Variants in HDAC4 observed in about 807,000 individuals in gnomAD.
The protein encoded by HDAC4 is histone deacetylase A.
In HDAC4, 16 loss-of-function variants were observed where a neutral mutation model predicts 135.1. The observed-to-expected ratio is 0.12, with a 90% CI of 0.08 to 0.18. The LOEUF is 0.18. Among genes scored for constraint, HDAC4 ranks in the 10% least tolerant of loss-of-function variants. The pLI, the probability that HDAC4 is intolerant of heterozygous loss-of-function variation, is 1.00. For missense variants in HDAC4, 1,143 were observed against 1,511.8 expected (o/e 0.76, Z 4.05); for synonymous variants, 685 against 653.4 (o/e 1.05, Z -0.74).
intron 2 of HDAC4, among the ~76,000 whole-genome samples, chr2:239,265,851 C>T (rs576923854): frequency 3.9e-5 from 6 of 152,350 alleles, no homozygotes; most frequent in East Asian, 1.9e-4. Flanking sequence ...AATGGGAATG[C>T]GGGAACCATG....
intron 4 of HDAC4, among the ~76,000 whole-genome samples, chr2:239,185,088 C>T (rs1457724378): frequency 4.7e-5 from 5 of 107,518 alleles, no homozygotes; most frequent in African/African-American, 1.2e-4. Flanking sequence ...GTGGGTCCCT[C>T]GGTGACTACC....
intron 5 of HDAC4, among the ~76,000 whole-genome samples, chr2:239,164,397 T>C (rs980687251): frequency 6.6e-6 from 1 of 152,258 alleles, no homozygotes; most frequent in African/African-American, 2.4e-5. Flanking sequence ...CGGCCGGCTC[T>C]GCTTCCAACA....
chr2:239,322,809 C>G (rs1412330450), intron 2 of HDAC4, among the ~76,000 whole-genome samples: 3 of 152,168 alleles, frequency 2.0e-5, no homozygotes, highest in Non-Finnish European at 4.4e-5. Flanking sequence ...GGCCCCACTC[C>G]TGGCTTCGAT....
intron 9 of HDAC4, among the ~76,000 whole-genome samples, chr2:239,136,004 A>G (rs188499792): frequency 2.6e-4 from 40 of 152,340 alleles, no homozygotes; most frequent in African/African-American, 9.1e-4. Context: ...GTGATATTTA[A>G]CATCTTTTTG....
intron 1 of HDAC4, among the ~76,000 whole-genome samples, chr2:239,393,342 T>G (rs1416972910): frequency 6.6e-6 from 1 of 152,282 alleles, no homozygotes; most frequent in Middle Eastern, 3.4e-3. Flanking sequence ...CAGGCACCAG[T>G]GCACAAAATA....
At chr2:239,318,410 C>CGAGGAGACTGTCCCGGAGCA (rs1160115039) in intron 2 of HDAC4, among the ~76,000 whole-genome samples, 3 of 152,098 alleles carry the variant, frequency 2.0e-5, no homozygotes, top group Non-Finnish European at 1.5e-5. Flanking sequence ...ATAAAAATGA[C>CGAGGAGACTGTCCCGGAGCA]GAGGAGACTG....
intron 12 of HDAC4, among the ~76,000 whole-genome samples, chr2:239,117,565 C>CAAAA (rs34154007): frequency 1.7e-5 from 2 of 116,294 alleles, no homozygotes; most frequent in Non-Finnish European, 3.5e-5. Context: ...CGGGAAGTGG[C>CAAAA]AAAAAAAAAA....
intron 22 of HDAC4, among the ~76,000 whole-genome samples, chr2:239,078,089 G>A (rs1286108909): frequency 1.3e-5 from 2 of 152,132 alleles, no homozygotes; most frequent in African/African-American, 2.4e-5. Flanking sequence ...ATGTCCCCGC[G>A]CACAGGTGAG....
At chr2:239,395,678 G>A (rs1056677288) in intron 1 of HDAC4, among the ~76,000 whole-genome samples, 28 of 152,060 alleles carry the variant, frequency 1.8e-4, no homozygotes, top group African/African-American at 6.0e-4. Context: ...GGAGTGGCCC[G>A]GGGACTGCTC....
At chr2:239,218,919 A>C (rs2046795550) in intron 3 of HDAC4, among the ~76,000 whole-genome samples, 1 of 151,014 alleles carries the variant, frequency 6.6e-6, no homozygotes, top group African/African-American at 2.4e-5. Context: ...CCACAATGAG[A>C]TACCATCTCA....
intron 3 of HDAC4, among the ~76,000 whole-genome samples, chr2:239,227,284 A>G (rs2047296130): frequency 6.6e-6 from 1 of 152,194 alleles, no homozygotes; most frequent in Non-Finnish European, 1.5e-5. Context: ...GAGATGGAAC[A>G]GCACTGAAAA....
At chr2:239,283,741 G>A (rs149493608) in intron 2 of HDAC4, among the ~76,000 whole-genome samples, 12 of 152,356 alleles carry the variant, frequency 7.9e-5, no homozygotes, top group Non-Finnish European at 1.0e-4. Flanking sequence ...CACCACGGGC[G>A]GTCATGGAAT....
chr2:239,282,867 CCA>C (rs781069163), intron 2 of HDAC4, among the ~76,000 whole-genome samples: 22 of 151,918 alleles, frequency 1.4e-4, no homozygotes, highest in Admixed American at 7.2e-4. Flanking sequence ...AATGTACACA[CCA>C]CTCTCCATGT....
chr2:239,059,271 G>A (rs1351624972), intron 24 of HDAC4, among the ~76,000 whole-genome samples: 2 of 152,202 alleles, frequency 1.3e-5, no homozygotes, highest in Non-Finnish European at 2.9e-5. Flanking sequence ...TAAGAAGTTA[G>A]CCAGAGAACA....
intron 2 of HDAC4, among the ~76,000 whole-genome samples, chr2:239,237,045 G>T (rs1157194078): frequency 6.6e-6 from 1 of 152,044 alleles, no homozygotes; most frequent in South Asian, 2.1e-4. Context: ...AGTGACAAAC[G>T]GTCTGGACGC....
intron 22 of HDAC4, among the ~76,000 whole-genome samples, chr2:239,069,314 C>T (rs1361693773): frequency 2.3e-5 from 1 of 43,324 alleles, no homozygotes; most frequent in African/African-American, 9.5e-5. Flanking sequence ...GAGGGAGTCA[C>T]GGTGCAAGCC....
chr2:239,146,947 G>A lies in HDAC4; in HGVS notation c.734-2233C>T, dbSNP rs1056285898. On this transcript the variant is annotated intron_variant, in intron 7 of 26. Coordinates refer to ENST00000543185, the MANE Select transcript of HDAC4 (RefSeq NM_001378414.1). The surrounding 1 kb of genome is among the most constrained non-coding windows in gnomAD (Gnocchi z 4.5). Reference sequence around the variant, plus strand: ...CGACTGCACGTCCCTGGTCGACTCTGCCTGCAGGGTGGCTGCAGCTGACCA... The same window carrying A: ...CGACTGCACGTCCCTGGTCGACTCTACCTGCAGGGTGGCTGCAGCTGACCA... 1.3e-5 allele frequency among the ~76,000 whole-genome samples: 2 copies of A among 152,174 alleles called. No individual in the cohort carries two copies. The highest frequency in any genetic ancestry group is 1.9e-4 in the East Asian group (1 of 5,178).
At chr2:239,101,227 G>C (rs2037590957) in intron 16 of HDAC4, among the ~76,000 whole-genome samples, 1 of 152,184 alleles carries the variant, frequency 6.6e-6, no homozygotes, top group South Asian at 2.1e-4. Flanking sequence ...CAGGGCAGGG[G>C]GGACTCCGGA....
At chr2:239,183,381 A>G (rs1483173183) in intron 4 of HDAC4, among the ~76,000 whole-genome samples, 1 of 152,244 alleles carries the variant, frequency 6.6e-6, no homozygotes, top group Non-Finnish European at 1.5e-5. Flanking sequence ...GAGTGGGCAG[A>G]TGCCGCGCCC....
Sources: allele counts gnomAD v4.1 joint callset (sites outside exome capture counted in the v4.1 genomes callset), GRCh38; gene constraint gnomAD v4.1.1; non-coding constraint Gnocchi (gnomAD v3.1); transcripts MANE v1.5; gene names NCBI Gene and HGNC (gene_info 2026-07-23, HGNC 2026-07-21).